The following LETM2 variants were observed in gnomAD, a reference collection of about 807,000 sequenced individuals.
LETM2 encodes leucine zipper and EF-hand containing transmembrane protein 2, also known as LETM1 domain-containing protein LETM2, mitochondrial.
A neutral mutation model predicts 59.6 loss-of-function variants in LETM2; 58 were observed. The observed-to-expected ratio is 0.97, with a 90% CI of 0.79 to 1.21. The LOEUF is 1.21. Ranked by LOEUF, LETM2 falls within the 50% of genes most tolerant of loss-of-function variation. The probability of loss-of-function intolerance (pLI) is 0.00; values close to 1 mark genes in which losing one functional copy is unlikely to be tolerated. For synonymous variants in LETM2, 199 were observed against 214.1 expected (o/e 0.93, Z 0.62); for missense variants, 572 against 575.7 (o/e 0.99, Z 0.07).
intron 8 of LETM2, chr8:38,406,716 CAG>C: frequency 2.4e-6 from 1 of 421,388 alleles, no homozygotes; most frequent in Non-Finnish European, 4.2e-6. Context: ...TAGAATCTAT[CAG>C]AGTGCAACTT....
chr8:38,407,753 G>T (rs972072687), intron 10 of LETM2, among the ~76,000 whole-genome samples: 1 of 152,140 alleles, frequency 6.6e-6, no homozygotes, highest in African/African-American at 2.4e-5. Flanking sequence ...TAGTTTCCAT[G>T]TGTTATTTTA....
chr8:38,391,303 T>G (rs1449654046), intron 2 of LETM2, among the ~76,000 whole-genome samples: 2 of 143,508 alleles, frequency 1.4e-5, no homozygotes, highest in Admixed American at 1.4e-4. Context: ...TATTTTAGTT[T>G]TTTTTTTTTT....
upstream of LETM2, among the ~76,000 whole-genome samples, chr8:38,384,201 T>C (rs1266996663): frequency 6.6e-6 from 1 of 152,156 alleles, no homozygotes; most frequent in African/African-American, 2.4e-5. Context: ...GCTTTGTTGA[T>C]AAACTGTTGC....
At position 38,400,332 on chromosome 8, in the gene LETM2, A is replaced by G. The variant is rs1202730381; in HGVS notation, c.706A>G (p.Thr236Ala). 3.1e-6 allele frequency: 5 copies of G among 1,613,536 alleles called. No individual in the cohort carries two copies. The highest frequency in any genetic ancestry group is 4.2e-6 in the Non-Finnish European group (5 of 1,179,658). The change falls in exon 5 of 11, where the codon ACC (threonine) becomes GCC (alanine). Residue 236 changes from threonine to alanine, a missense_variant. Thr to Ala is a moderately conservative substitution (Grantham distance 58). Coordinates refer to ENST00000379957, the MANE Select transcript of LETM2 (RefSeq NM_001286819.2). Reference protein sequence around the residue: ...KLELAKFLQETMTEMARRNRA... With the variant: ...KLELAKFLQEAMTEMARRNRA... ...GGAACTAGCAAAATTTCTTCAAGAAACCATGACAGAAATGGCAAGGAGGAA... is the reference window on the plus strand; with the variant it reads ...GGAACTAGCAAAATTTCTTCAAGAAGCCATGACAGAAATGGCAAGGAGGAA...
In LETM2 at chr8:38,404,631, GC is replaced by G. The variant is rs1245819707; in HGVS notation, c.1218+126del. On this transcript the variant is annotated intron_variant, in intron 8 of 10. Transcript: ENST00000379957. ...GGCCTTTTAGAATTTGACCCAACTG[GC>G]TTTATGTGTTTTAAAAATTTCTAAA... The G allele has an allele frequency of 6.2e-6, 4 of 647,922 alleles. No individual in the cohort carries two copies. In the Admixed American group the frequency reaches 1.2e-4, roughly 19 times the overall value. 40.1% of individuals were successfully genotyped at this position (647,922 alleles called of 1,614,324 possible). A position where few individuals can be genotyped will look rare whatever the true frequency, so the allele number is the denominator to read the frequency against.
At chr8:38,406,227 A>G (rs376368831) in intron 8 of LETM2, among the ~76,000 whole-genome samples, 6 of 152,214 alleles carry the variant, frequency 3.9e-5, no homozygotes, top group African/African-American at 1.4e-4. Flanking sequence ...ATTTTAGTAA[A>G]TCAGGCAATT....
chr8:38,392,145 C>T (rs566810116), intron 2 of LETM2, among the ~76,000 whole-genome samples: 1 of 152,276 alleles, frequency 6.6e-6, no homozygotes, highest in South Asian at 2.1e-4. Flanking sequence ...TATTCCTTGG[C>T]CAGGCATGGT....
At chr8:38,393,511 G>T (rs1160133266) in intron 3 of LETM2, 1 of 154,486 alleles carries the variant, frequency 6.5e-6, no homozygotes, top group Non-Finnish European at 1.4e-5. Context: ...GCCGGGCATG[G>T]TGGCACGTGC....
chr8:38,383,671 C>A (rs1465852473), upstream of LETM2, among the ~76,000 whole-genome samples: 1 of 151,626 alleles, frequency 6.6e-6, no homozygotes, highest in Non-Finnish European at 1.5e-5. Context: ...TGGCTCACGC[C>A]TGTAATCCCA....
intron 8 of LETM2, 130 bp downstream of exon 8, chr8:38,404,636 ATG>A (rs1469707344): frequency 6.3e-6 from 4 of 636,604 alleles, no homozygotes; most frequent in Non-Finnish European, 1.1e-5. Flanking sequence ...AACTGGCTTT[ATG>A]TGTTTTAAAA....
At chr8:38,398,748 A>C (rs1393934712) in intron 4 of LETM2, among the ~76,000 whole-genome samples, 1 of 137,158 alleles carries the variant, frequency 7.3e-6, no homozygotes, top group African/African-American at 2.7e-5. Flanking sequence ...TTTGAGACAG[A>C]GTCTCGTGCT....
intron 6 of LETM2, chr8:38,401,501 AC>A (rs1421396260): frequency 5.6e-6 from 1 of 179,918 alleles, no homozygotes; most frequent in African/African-American, 2.4e-5. Context: ...GGTTTAAACA[AC>A]CATTACCATG....
At chr8:38,399,804 G>GGT (rs1813022926) in intron 4 of LETM2, among the ~76,000 whole-genome samples, 2 of 149,210 alleles carry the variant, frequency 1.3e-5, no homozygotes, top group Non-Finnish European at 3.0e-5. Flanking sequence ...AAATTAGCCA[G>GGT]GTGTGGTGGC....
chr8:38,408,170 C>A, intron 10 of LETM2, 42 bp from the exon 11 acceptor site: 2 of 1,523,788 alleles, frequency 1.3e-6, no homozygotes, highest in Non-Finnish European at 1.8e-6. Context: ...AGAACTTACA[C>A]GTCTGTGACT....
chr8:38,390,129 G>A (rs1372370703), intron 2 of LETM2, among the ~76,000 whole-genome samples: 1 of 152,098 alleles, frequency 6.6e-6, no homozygotes, highest in Non-Finnish European at 1.5e-5. Context: ...GCTGAGCCTG[G>A]GAGGTCGAGG....
In LETM2 at chr8:38,392,982, G is replaced by T; in HGVS notation, c.488G>T (p.Arg163Leu). Residue 163 changes from arginine to leucine, a missense_variant, in exon 3 of 11, where the codon CGA (arginine) becomes CTA (leucine). By Grantham distance (102) the Arg-to-Leu change is moderately radical (BLOSUM62 -2). Coordinates refer to ENST00000379957, the MANE Select transcript of LETM2 (RefSeq NM_001286819.2). Reference sequence around the variant, plus strand: ...TTGCATGGACAGGTCCTGACCAGACGAGAGAGACGAAGGGTAGGCAAGAAT... The same window carrying T: ...TTGCATGGACAGGTCCTGACCAGACTAGAGAGACGAAGGGTAGGCAAGAAT... ...RLLHGQVLTR[R>L]ERRRLLRTCV... 1 of 1,600,558 alleles carries T rather than the reference G, an allele frequency of 6.2e-7. No individual in the cohort carries two copies. The highest frequency in any genetic ancestry group is 8.5e-7 in the Non-Finnish European group (1 of 1,175,480).
chr8:38,404,226 G>T (rs1813499691), intron 7 of LETM2, 167 bp from the exon 8 acceptor site: 1 of 586,330 alleles, frequency 1.7e-6, no homozygotes, highest in Admixed American at 3.0e-5. Flanking sequence ...CAGTGCAGAA[G>T]CCAGGGCTGG....
intron 4 of LETM2, among the ~76,000 whole-genome samples, chr8:38,395,241 GGA>G (rs1812595910): frequency 6.6e-6 from 1 of 152,294 alleles, no homozygotes; most frequent in Admixed American, 6.5e-5. Flanking sequence ...TAAATGCCTA[GGA>G]GAGTAATTGG....
At chr8:38,383,439 C>G (rs1811656491), upstream of LETM2, 1 of 152,082 alleles carries the variant, frequency 6.6e-6, no homozygotes, top group South Asian at 2.1e-4. Context: ...GAGAATAAAG[C>G]CATTTTACCG....
Sources: allele counts gnomAD v4.1 joint callset (sites outside exome capture counted in the v4.1 genomes callset), GRCh38; gene constraint gnomAD v4.1.1; transcripts MANE v1.5; gene names NCBI Gene and HGNC (gene_info 2026-07-23, HGNC 2026-07-21).